ATP1B3: variants seen among roughly 807,000 people sequenced by gnomAD.
The protein encoded by ATP1B3 is sodium/potassium-transporting ATPase subunit beta-3.
Under a neutral mutation model 30.2 loss-of-function variants are expected in ATP1B3, and 10 were observed. The observed-to-expected ratio is 0.33, with a 90% CI of 0.20 to 0.56. The LOEUF (loss-of-function observed/expected upper bound fraction) is 0.56, where lower values mean the gene tolerates loss of function less well. Among genes scored for constraint, ATP1B3 ranks in the 20% least tolerant of loss-of-function variants. The pLI, the probability that ATP1B3 is intolerant of heterozygous loss-of-function variation, is 0.90. For synonymous variants in ATP1B3, 113 were observed against 117.0 expected (o/e 0.97, Z 0.22); for missense variants, 238 against 336.7 (o/e 0.71, Z 2.29).
chr3:141,910,375 T>C (rs1934337819), intron 3 of ATP1B3, among the ~76,000 whole-genome samples: 1 of 152,170 alleles, frequency 6.6e-6, no homozygotes, highest in African/African-American at 2.4e-5. Flanking sequence ...TCCTGCTGGT[T>C]CTTGACTTTT....
chr3:141,891,046 A>G (rs1933941571), intron 1 of ATP1B3, among the ~76,000 whole-genome samples: 1 of 152,192 alleles, frequency 6.6e-6, no homozygotes, highest in Admixed American at 6.5e-5. Flanking sequence ...TCACAGATTT[A>G]ACAGTCTTCT....
At chr3:141,915,919 C>A (rs1934454132) in intron 4 of ATP1B3, 51 bp from the exon 5 acceptor site, 2 of 1,451,820 alleles carry the variant, frequency 1.4e-6, no homozygotes, top group Middle Eastern at 1.9e-4. Context: ...GGAGGAAGTT[C>A]CATTGCATAC....
At chr3:141,904,253 A>T (rs916750938) in intron 2 of ATP1B3, among the ~76,000 whole-genome samples, 5 of 151,184 alleles carry the variant, frequency 3.3e-5, no homozygotes, top group African/African-American at 1.2e-4. Context: ...TCACATTTAT[A>T]TACTGATAAA....
intron 1 of ATP1B3, among the ~76,000 whole-genome samples, chr3:141,893,753 A>G (rs1934005382): frequency 6.6e-6 from 1 of 152,158 alleles, no homozygotes; most frequent in African/African-American, 2.4e-5. Context: ...ATGAACATTT[A>G]TCACCCCAAA....
At chr3:141,914,294 A>G (rs1241757700) in intron 4 of ATP1B3, among the ~76,000 whole-genome samples, 2 of 152,206 alleles carry the variant, frequency 1.3e-5, no homozygotes, top group Non-Finnish European at 1.5e-5. Context: ...TAGTATCAGT[A>G]TATATATATG....
At chr3:141,881,712 A>G (rs961559274) in intron 1 of ATP1B3, among the ~76,000 whole-genome samples, 3 of 152,252 alleles carry the variant, frequency 2.0e-5, no homozygotes, top group African/African-American at 7.2e-5. Flanking sequence ...TAACTCCCAC[A>G]TGCTTAGCGT....
intron 1 of ATP1B3, among the ~76,000 whole-genome samples, chr3:141,885,880 A>AACACACACAC (rs146684460): frequency 1.1e-3 from 152 of 141,736 alleles, no homozygotes; most frequent in South Asian, 1.2e-3. Flanking sequence ...GCTGCGTTAA[A>AACACACACAC]ACACACACAC....
At chr3:141,894,358 A>G (rs755289424) in intron 1 of ATP1B3, among the ~76,000 whole-genome samples, 7 of 151,630 alleles carry the variant, frequency 4.6e-5, no homozygotes, top group Non-Finnish European at 7.4e-5. Flanking sequence ...GGGTCTTGCT[A>G]TGTTGCCCAG....
rs13577 is a variant in ATP1B3 at position 141,925,954 on chromosome 3, T to C, written c.*253T>C. The stretch of plus-strand genomic sequence containing the variant: ...ACCGGTGAACACCTGATTCCAAACA[T>C]GTAGGATGGGGGTCTTGTCCTCTTT... On this transcript the variant is annotated 3_prime_UTR_variant, in exon 7 of 7. Transcript: ENST00000286371. The C allele has an allele frequency of 5.9e-3, 2,461 of 417,414 alleles. 53 individuals are homozygous for C. The highest frequency in any genetic ancestry group is 0.045 in the African/African-American group (2,254 of 49,862). The allele number at this position is 417,414 out of a possible 1,614,324, so 25.9% of individuals were successfully genotyped here.
chr3:141,877,638 T>C (rs1349740711), intron 1 of ATP1B3: 1 of 151,430 alleles, frequency 6.6e-6, no homozygotes, highest in African/African-American at 2.4e-5. Context: ...GGAAAGTAAA[T>C]CCTGTCTGAA....
At chr3:141,921,029 TATGCTGTTTC>T (rs1418333052) in intron 5 of ATP1B3, among the ~76,000 whole-genome samples, 1 of 152,188 alleles carries the variant, frequency 6.6e-6, no homozygotes, top group Non-Finnish European at 1.5e-5. Context: ...AGTTTTGCTT[TATGCTGTTTC>T]ATGCATGCTT....
At chr3:141,906,020 AATAC>A (rs10575641) in intron 2 of ATP1B3, among the ~76,000 whole-genome samples, 15,955 of 151,354 alleles carry the variant, frequency 0.11, 1,188 homozygotes, top group East Asian at 0.38. Flanking sequence ...ATGTACATGT[AATAC>A]ATATATAATA....
rs925877827 is a variant in ATP1B3, at chr3:141,894,243, A to G, written c.110-9377A>G. Among the ~76,000 whole-genome samples the G allele has an allele frequency of 5.3e-5, 8 of 152,320 alleles. No homozygotes were observed. In the South Asian group the frequency reaches 1.4e-3, roughly 28 times the overall value. ...ACTGTACCCTACTGTAGACTTTATA[A>G]ACACTGTACACTTAGGCTACACTAA... On this transcript the variant is annotated intron_variant, in intron 1 of 6. Transcript: ENST00000286371.
At chr3:141,901,512 C>T (rs916085381) in intron 1 of ATP1B3, among the ~76,000 whole-genome samples, 1 of 152,158 alleles carries the variant, frequency 6.6e-6, no homozygotes, top group African/African-American at 2.4e-5. Flanking sequence ...ACTCACTTCA[C>T]TGCTGGAAAT....
intron 1 of ATP1B3, among the ~76,000 whole-genome samples, chr3:141,877,831 C>G (rs76105586): frequency 1.4e-5 from 2 of 140,234 alleles, no homozygotes; most frequent in East Asian, 4.1e-4. Context: ...CAGGCTAGAG[C>G]TTTTTTTTTT....
chr3:141,910,342 C>T (rs1229323638), intron 3 of ATP1B3, among the ~76,000 whole-genome samples: 1 of 152,048 alleles, frequency 6.6e-6, no homozygotes, highest in East Asian at 1.9e-4. Flanking sequence ...GTTTTTCTTC[C>T]ATATCTATAA....
At chr3:141,904,703 CTTTT>C (rs35178202) in intron 2 of ATP1B3, among the ~76,000 whole-genome samples, 1 of 89,372 alleles carries the variant, frequency 1.1e-5, no homozygotes, top group Middle Eastern at 0.011. Context: ...TTTAAACAGT[CTTTT>C]TTTTTTTTTT....
At chr3:141,910,602 A>G (rs1559871669) in intron 3 of ATP1B3, among the ~76,000 whole-genome samples, 1 of 151,902 alleles carries the variant, frequency 6.6e-6, no homozygotes, top group Non-Finnish European at 1.5e-5. Flanking sequence ...TTTGTAAACT[A>G]TCATTTGAGG....
chr3:141,923,308 T>C (rs1934599593), intron 6 of ATP1B3, among the ~76,000 whole-genome samples: 1 of 149,156 alleles, frequency 6.7e-6, no homozygotes, highest in South Asian at 2.1e-4. Context: ...AGTGGACTAA[T>C]GAGTTATCAT....
Sources: gnomAD v4.1 joint callset for allele counts (sites outside exome capture counted in the v4.1 genomes callset) on GRCh38, gnomAD v4.1.1 for gene constraint, MANE v1.5 for transcripts, NCBI Gene and HGNC (gene_info 2026-07-23, HGNC 2026-07-21) for gene names.